The following MICU3 variants were observed in gnomAD, a reference collection of about 807,000 sequenced individuals.
MICU3 encodes the protein calcium uptake protein 3, mitochondrial.
In MICU3, 62 loss-of-function variants were observed where a neutral mutation model predicts 66.5. The ratio of observed to expected loss-of-function variants is 0.93; its 90% CI spans 0.76 to 1.15. The LOEUF (loss-of-function observed/expected upper bound fraction) is 1.15, where lower values mean the gene tolerates loss of function less well. Among genes scored for constraint, MICU3 ranks in the 50% most tolerant of loss-of-function variants. MICU3 has a pLI of 0.00. For synonymous variants in MICU3, 308 were observed against 240.7 expected (o/e 1.28, Z -2.59); for missense variants, 779 against 664.4 (o/e 1.17, Z -1.90).
chr8:17,098,621 T>A (rs1800979857), intron 9 of MICU3, 68 bp downstream of exon 9: 1 of 1,046,200 alleles, frequency 9.6e-7, no homozygotes, highest in Admixed American at 1.9e-5. Context: ...TCATTTCATT[T>A]TAGTCACAGT....
chr8:17,095,491 CTG>C lies in MICU3; in HGVS notation c.889-2963_889-2962del, dbSNP rs775702387. Among the ~76,000 whole-genome samples, 199 of 151,890 alleles carry C rather than the reference CTG, an allele frequency of 1.3e-3. 2 individuals carry two copies. The highest frequency in any genetic ancestry group is 1.7e-3 in the Non-Finnish European group (117 of 67,868). On this transcript the variant is annotated intron_variant, in intron 8 of 14. Coordinates refer to ENST00000318063, the MANE Select transcript of MICU3 (RefSeq NM_181723.3). ...AGTTTTAATATGTGTGTGTGTTTGT[CTG>C]TGTTTAAATATCACTAATAGCAAAA...
chr8:17,067,319 A>G (rs1818873718), intron 2 of MICU3, among the ~76,000 whole-genome samples: 1 of 152,166 alleles, frequency 6.6e-6, no homozygotes. Flanking sequence ...TAACAGCCTC[A>G]TGAAGTTTTT....
At chr8:17,042,919 C>G (rs1409498099) in intron 1 of MICU3, among the ~76,000 whole-genome samples, 1 of 139,734 alleles carries the variant, frequency 7.2e-6, no homozygotes, top group Non-Finnish European at 1.5e-5. Context: ...CTGCTTGTAG[C>G]AATTCAAAGT....
the MICU3 span, among the ~76,000 whole-genome samples, chr8:17,137,958 GC>G: frequency 6.6e-6 from 1 of 151,614 alleles, no homozygotes; most frequent in Non-Finnish European, 1.5e-5. Flanking sequence ...TTTGTGATCC[GC>G]CTGCCTCAGC....
At chr8:17,060,356 G>A (rs890350269) in intron 1 of MICU3, among the ~76,000 whole-genome samples, 1 of 151,760 alleles carries the variant, frequency 6.6e-6, no homozygotes, top group Admixed American at 6.6e-5. Flanking sequence ...GAGTGCAGTG[G>A]TGTGATTTTG....
chr8:17,033,522 G>A (rs367739336), intron 1 of MICU3, among the ~76,000 whole-genome samples: 37 of 152,032 alleles, frequency 2.4e-4, no homozygotes, highest in African/African-American at 8.0e-4. Context: ...TGCAAGCTCC[G>A]CCTCGCCGGG....
the MICU3 span, among the ~76,000 whole-genome samples, chr8:17,129,466 C>G: frequency 2.6e-5 from 4 of 152,022 alleles, no homozygotes; most frequent in African/African-American, 9.7e-5. Flanking sequence ...ACTATAAAAA[C>G]CAAATGAAAA....
intron 1 of MICU3, among the ~76,000 whole-genome samples, chr8:17,044,647 A>G (rs1332415287): frequency 6.6e-6 from 1 of 152,236 alleles, no homozygotes; most frequent in East Asian, 1.9e-4. Flanking sequence ...GCTTGGGAAA[A>G]TATAGATCTT....
chr8:17,134,576 G>T, the MICU3 span, among the ~76,000 whole-genome samples: 5 of 151,992 alleles, frequency 3.3e-5, no homozygotes, highest in Admixed American at 1.3e-4. Flanking sequence ...TCCCGAGTAG[G>T]TGGGACTACA....
intron 1 of MICU3, among the ~76,000 whole-genome samples, chr8:17,035,062 T>A (rs1271975003): frequency 1.3e-5 from 2 of 152,210 alleles, no homozygotes; most frequent in Non-Finnish European, 2.9e-5. Context: ...TCTCACAAGA[T>A]CTGATGTTTT....
intron 1 of MICU3, among the ~76,000 whole-genome samples, chr8:17,059,323 A>C (rs1158111501): frequency 6.6e-6 from 1 of 152,232 alleles, no homozygotes; most frequent in Non-Finnish European, 1.5e-5. Flanking sequence ...ACTCATTTTC[A>C]GAGAACAAAG....
chr8:17,067,516 G>A (rs1006889469), intron 2 of MICU3, among the ~76,000 whole-genome samples: 4 of 151,390 alleles, frequency 2.6e-5, no homozygotes, highest in East Asian at 1.9e-4. Context: ...TGCAACCTCC[G>A]CTTCCTGGGT....
intron 1 of MICU3, among the ~76,000 whole-genome samples, chr8:17,040,809 C>T (rs925479538): frequency 6.6e-6 from 1 of 152,114 alleles, no homozygotes; most frequent in South Asian, 2.1e-4. Context: ...TACCAGTGAC[C>T]AACCTCTGTC....
the MICU3 span, among the ~76,000 whole-genome samples, chr8:17,129,111 ACCTAT>A: frequency 6.6e-6 from 1 of 152,174 alleles, no homozygotes; most frequent in African/African-American, 2.4e-5. Context: ...ACAACTCTTG[ACCTAT>A]CCTAAAATTA....
Position 17,121,898 on chromosome 8 carries a change from C to T in MICU3, c.*1611C>T, listed in dbSNP as rs946516334. On this transcript the variant is annotated 3_prime_UTR_variant, in exon 15 of 15. Coordinates refer to ENST00000318063, the MANE Select transcript of MICU3 (RefSeq NM_181723.3). ...TGACTGACTAAATGAAAATGCCTACCCACTCATATAACATACCTCAGGTCT... is the reference window on the plus strand; with the variant it reads ...TGACTGACTAAATGAAAATGCCTACTCACTCATATAACATACCTCAGGTCT... 2 of 151,372 alleles carry T rather than the reference C, an allele frequency of 1.3e-5. No individual in the cohort carries two copies. Among genetic ancestry groups the T allele is most frequent in the African/African-American group, 4.8e-5 (2 of 41,304 alleles). The allele number at this position is 151,372 out of a possible 1,614,324, so 9.4% of individuals were successfully genotyped here.
intron 1 of MICU3, among the ~76,000 whole-genome samples, chr8:17,037,841 T>C (rs903393010): frequency 3.3e-5 from 5 of 152,204 alleles, no homozygotes; most frequent in African/African-American, 1.2e-4. Context: ...CTTGGATCAG[T>C]GTGACCTGGA....
rs768211230 is a variant in MICU3, at chr8:17,098,453, T to C, written c.889-5T>C. 6 of 1,582,584 alleles carry C rather than the reference T, an allele frequency of 3.8e-6. No homozygotes were observed. The African/African-American group carries it at 5.4e-5, about 14-fold the overall frequency. On this transcript the variant is annotated splice_polypyrimidine_tract_variant and splice_region_variant and intron_variant, in intron 8 of 14. Transcript: ENST00000318063. ...TTTCAGTTGTGCTTCTTAAAACTTC[T>C]ACAGGTACTTAAAACAGATGCTGAG...
intron 11 of MICU3, among the ~76,000 whole-genome samples, chr8:17,109,661 G>A (rs535567217): frequency 6.6e-6 from 1 of 152,202 alleles, no homozygotes; most frequent in African/African-American, 2.4e-5. Flanking sequence ...GAAACTACAT[G>A]GCTAAGGGTG....
intron 4 of MICU3, 45 bp from the exon 5 acceptor site, chr8:17,081,648 T>C: frequency 1.7e-6 from 1 of 578,838 alleles, no homozygotes; most frequent in Non-Finnish European, 2.8e-6. Context: ...TTATTGCTTC[T>C]AGAACAATAT....
Sources: gnomAD v4.1 joint callset for allele counts (sites outside exome capture counted in the v4.1 genomes callset) on GRCh38, gnomAD v4.1.1 for gene constraint, MANE v1.5 for transcripts, NCBI Gene and HGNC (gene_info 2026-07-23, HGNC 2026-07-21) for gene names.